Variants in EHMT2 observed in about 807,000 individuals in gnomAD.
EHMT2 encodes euchromatic histone lysine methyltransferase 2, also known as histone-lysine N-methyltransferase EHMT2.
EHMT2 carries 59 observed loss-of-function variants against 143.3 expected under a neutral mutation model. The observed-to-expected ratio is 0.41, with a 90% confidence interval of 0.33 to 0.51. EHMT2 has a LOEUF of 0.51. Among genes scored for constraint, EHMT2 ranks in the 20% least tolerant of loss-of-function variants. The pLI, the probability that EHMT2 is intolerant of heterozygous loss-of-function variation, is 0.18. For synonymous variants in EHMT2, 604 were observed against 651.5 expected, an observed-to-expected ratio of 0.93 and a Z score of 1.11; for missense variants, 1,174 against 1,645.9, an observed-to-expected ratio of 0.71 and a Z score of 4.96.
intron 5 of EHMT2, 22 bp downstream of exon 5, chr6:31,892,804 G>C: frequency 6.2e-7 from 1 of 1,611,194 alleles, no homozygotes; most frequent in Non-Finnish European, 8.5e-7. Context: ...TCAAGCCACC[G>C]GGGGTGGGGG....
At chr6:31,896,375 G>A (rs780407715) in exon 4 of EHMT2, 2 of 1,612,872 alleles carry the variant, frequency 1.2e-6, no homozygotes, top group South Asian at 2.2e-5. Context: ...AGCTCCCTGG[G>A]CTCCTGGCAT....
chr6:31,892,952 T>G, intron 4 of EHMT2, 42 bp from the exon 5 acceptor site: 4 of 1,428,540 alleles, frequency 2.8e-6, no homozygotes, highest in Non-Finnish European at 3.8e-6. Flanking sequence ...AGAGAGCACC[T>G]ACAGTTTTGC....
chr6:31,888,935 C>A lies in EHMT2; in HGVS notation c.1216+34G>T, dbSNP rs149826579. On this transcript the variant is annotated intron_variant, in intron 10 of 27. Transcript: ENST00000375537. This position sits in a 1 kb window ranked among gnomAD's most constrained non-coding sequence, Gnocchi z 7.4. Reference sequence around the variant, plus strand: ...TTCCCTCCTGCCCTGAGGTCGCCCCCTAGTGGCTCCCTGTCCCGGCAATTG... The same window carrying A: ...TTCCCTCCTGCCCTGAGGTCGCCCCATAGTGGCTCCCTGTCCCGGCAATTG... The A allele has an allele frequency of 0.012, 18,359 of 1,569,536 alleles. 301 individuals are homozygous for A. The highest frequency in any genetic ancestry group is 0.047 in the South Asian group (4,069 of 86,598).
chr6:31,894,786 C>T (rs750762585), intron 4 of EHMT2, among the ~76,000 whole-genome samples: 12 of 150,768 alleles, frequency 8.0e-5, no homozygotes, highest in African/African-American at 2.4e-4. Context: ...GGATTACAGG[C>T]GCACGCCACC....
rs9688542 is a variant in EHMT2, at chr6:31,892,577, G to C, written c.709-15C>G. On this transcript the variant is annotated splice_polypyrimidine_tract_variant and intron_variant, in intron 6 of 27. Transcript: ENST00000375537. ...AACTCCTCTGACTAGAAAAAGATCA[G>C]AAAAATTGAGGCCACTGACACCCTG... 3.8e-5 allele frequency: 62 copies of C among 1,612,546 alleles called. No individual in the cohort carries two copies. The highest frequency in any genetic ancestry group is 5.0e-5 in the Admixed American group (3 of 59,914).
At position 31,884,830 on chromosome 6, in the gene EHMT2, G is replaced by A. The variant is rs749133427; in HGVS notation, c.2449-31C>T. 4 of 1,581,746 alleles carry A rather than the reference G, an allele frequency of 2.5e-6. No individual in the cohort carries two copies. Among genetic ancestry groups the A allele is most frequent in the South Asian group, 1.1e-5 (1 of 88,622 alleles). On this transcript the variant is annotated intron_variant, in intron 19 of 27. Transcript: ENST00000375537. This position sits in a 1 kb window ranked among gnomAD's most constrained non-coding sequence, Gnocchi z 7.3. The stretch of plus-strand genomic sequence containing the variant: ...GAGGTAGGAGGGGAACAGATGAGGT[G>A]CAGGCAGCTGGGCCCTTGAATCCAG...
chr6:31,882,614 C>A, intron 25 of EHMT2, 85 bp downstream of exon 25: 1 of 1,315,740 alleles, frequency 7.6e-7, no homozygotes, highest in South Asian at 1.3e-5. Context: ...CTCATCAGGG[C>A]AGATGGCTGA....
chr6:31,896,704 T>G (rs1280293976), exon 3 of EHMT2: 1 of 1,612,194 alleles, frequency 6.2e-7, no homozygotes, highest in African/African-American at 1.3e-5. Flanking sequence ...GTCAGCCCCC[T>G]CATCACCAAC....
At chr6:31,892,319 G>C (rs1765793263) in intron 7 of EHMT2, 88 bp downstream of exon 7, 1 of 1,453,088 alleles carries the variant, frequency 6.9e-7, no homozygotes, top group Admixed American at 2.1e-5. Context: ...AGGACAGAAA[G>C]CAGAAAAACA....
chr6:31,889,829 A>G lies in EHMT2; in HGVS notation c.865-227T>C, dbSNP rs562059188. ...AATGTGCACAGATCTTGGTAATGTGATATTAAGTTAAAAAACAAAAAGCAA... is the reference window on the plus strand; with the variant it reads ...AATGTGCACAGATCTTGGTAATGTGGTATTAAGTTAAAAAACAAAAAGCAA... On this transcript the variant is annotated intron_variant, in intron 7 of 27. Transcript: ENST00000375537. This position sits in a 1 kb window ranked among gnomAD's most constrained non-coding sequence, Gnocchi z 5.1. 4.6e-5 allele frequency among the ~76,000 whole-genome samples: 7 copies of G among 152,300 alleles called. No homozygotes were observed. Among genetic ancestry groups the G allele is most frequent in the African/African-American group, 1.4e-4 (6 of 41,540 alleles).
Position 31,888,807 on chromosome 6 carries a change from G to A in EHMT2, c.1217-60C>T. On this transcript the variant is annotated intron_variant, in intron 10 of 27. Coordinates refer to ENST00000375537, the Ensembl canonical transcript of EHMT2. The surrounding 1 kb of genome is among the most constrained non-coding windows in gnomAD (Gnocchi z 7.4). ...CTGCACCTCACCTACTGGGACCCCT[G>A]GCGGGTCCTCTCACTCCCTCCCTAC... is the stretch of plus-strand genomic sequence containing the variant. 1.3e-6 allele frequency: 2 copies of A among 1,589,204 alleles called. No individual in the cohort carries two copies. The highest frequency in any genetic ancestry group is 1.7e-5 in the Admixed American group (1 of 58,660).
chr6:31,889,501 CTCT>C lies in EHMT2; in HGVS notation c.963_965del (p.Glu323del), dbSNP rs533306500. 292 of 1,612,690 alleles carry C rather than the reference CTCT, an allele frequency of 1.8e-4. 3 individuals carry two copies. The South Asian group carries it at 2.4e-3, about 13-fold the overall frequency. On this transcript the variant is annotated inframe_deletion, in exon 8 of 28. Coordinates refer to ENST00000375537, the Ensembl canonical transcript of EHMT2. This position sits in a 1 kb window ranked among gnomAD's most constrained non-coding sequence, Gnocchi z 5.1. ...ACTGATTCCCTGACTCCTCATCTTCCTCTTCTTCTTCCTCTTCCTCCTCCTCTT... is the reference window on the plus strand; with the variant it reads ...ACTGATTCCCTGACTCCTCATCTTCCTCTTCTTCCTCTTCCTCCTCCTCTT...
chr6:31,892,339 G>T (rs1290847626), intron 7 of EHMT2, 68 bp downstream of exon 7: 1 of 1,529,456 alleles, frequency 6.5e-7, no homozygotes, highest in East Asian at 2.3e-5. Context: ...AGGGAACAAG[G>T]AGGACTGGAC....
chr6:31,880,804 G>C lies in EHMT2; in HGVS notation c.3321C>G (p.Ile1107Met). 6.2e-7 allele frequency: 1 copy of C among 1,613,948 alleles called. No individual in the cohort carries two copies. The highest frequency in any genetic ancestry group is 2.2e-5 in the East Asian group (1 of 44,886). ...CACACAGGTGGTTGATGAAGCGGCT[G>C]ATGTTGCCATAGTAACGGGCATCTA... Residue 1107 changes from isoleucine to methionine, a missense_variant, in exon 27 of 28, where the codon ATC becomes ATG. By Grantham distance (10) the Ile-to-Met change is conservative (BLOSUM62 1). Coordinates refer to ENST00000375537, the Ensembl canonical transcript of EHMT2. The surrounding 1 kb of genome is among the most constrained non-coding windows in gnomAD (Gnocchi z 6.6).
rs770824251 is a variant in EHMT2 at position 31,889,336 on chromosome 6, A to T, written c.1006T>A (p.Ser336Thr). Residue 336 changes from serine to threonine, a missense_variant, in exon 9 of 28, where the codon TCC becomes ACC. Physicochemically the swap from Ser to Thr is moderately conservative, Grantham distance 58. This residue lies in a region of EHMT2 where 608 missense variants were observed against 903.7 expected (regional missense o/e 0.67). Coordinates refer to ENST00000375537, the Ensembl canonical transcript of EHMT2. This position sits in a 1 kb window ranked among gnomAD's most constrained non-coding sequence, Gnocchi z 5.1. Reference sequence around the variant, plus strand: ...TTCTTGGCCTTGCGCCGGCCACTGGAACCACTCTGGGAAGGGGGAGGAGGA... The same window carrying T: ...TTCTTGGCCTTGCGCCGGCCACTGGTACCACTCTGGGAAGGGGGAGGAGGA... 1.1e-5 allele frequency: 18 copies of T among 1,611,848 alleles called. No individual in the cohort carries two copies. Among genetic ancestry groups the T allele is most frequent in the Non-Finnish European group, 1.7e-6 (2 of 1,179,954 alleles).
At chr6:31,893,180 C>CTT (rs1765925340) in intron 4 of EHMT2, 2 of 529,556 alleles carry the variant, frequency 3.8e-6, no homozygotes, top group Admixed American at 7.1e-5. Context: ...GTTAAAAGAC[C>CTT]TTTTATATGT....
At chr6:31,882,992 C>T in exon 24 of EHMT2, 1 of 1,612,904 alleles carries the variant, frequency 6.2e-7, no homozygotes, top group Non-Finnish European at 8.5e-7. Flanking sequence ...TGTTAAATTC[C>T]TGGAGCAATC....
rs748531045 is a variant in EHMT2, at chr6:31,881,600, T to C, written c.3198-508A>G. The C allele has an allele frequency of 5.0e-5, 9 of 181,702 alleles. No individual in the cohort carries two copies. Among genetic ancestry groups the C allele is most frequent in the Non-Finnish European group, 8.3e-5 (7 of 84,472 alleles). The allele number at this position is 181,702 out of a possible 1,614,324, so 11.3% of individuals were successfully genotyped here. A position where few individuals can be genotyped will look rare whatever the true frequency, so the allele number is the denominator to read the frequency against. Reference sequence around the variant, plus strand: ...GAGATTCAGACACACGGAGAGGACGTGGGTGGGAAGTGACTGTCAAGAGAC... The same window carrying C: ...GAGATTCAGACACACGGAGAGGACGCGGGTGGGAAGTGACTGTCAAGAGAC... On this transcript the variant is annotated intron_variant, in intron 25 of 27. Transcript: ENST00000375537. This position sits in a 1 kb window ranked among gnomAD's most constrained non-coding sequence, Gnocchi z 4.8.
intron 7 of EHMT2, among the ~76,000 whole-genome samples, 153 bp downstream of exon 7, chr6:31,892,254 A>G (rs1221326823): frequency 6.6e-6 from 1 of 152,128 alleles, no homozygotes; most frequent in Non-Finnish European, 1.5e-5. Flanking sequence ...CCCACAAAAA[A>G]AAGGAGTTAT....
Sources: allele counts gnomAD v4.1 joint callset (sites outside exome capture counted in the v4.1 genomes callset), GRCh38; gene constraint gnomAD v4.1.1; regional missense constraint gnomAD v4.1.1; non-coding constraint Gnocchi (gnomAD v3.1); transcripts MANE v1.5; gene names NCBI Gene and HGNC (gene_info 2026-07-23, HGNC 2026-07-21).